Variants in TPCN2 observed in about 807,000 individuals in gnomAD.
TPCN2 encodes the protein two pore segment channel 2, also known as two pore channel protein 2.
TPCN2 carries 92 observed loss-of-function variants against 111.4 expected under a neutral mutation model. The ratio of observed to expected loss-of-function variants is 0.83; its 90% CI spans 0.70 to 0.98. The LOEUF (loss-of-function observed/expected upper bound fraction) is 0.98. Ranked by LOEUF, TPCN2 falls within the 50% of genes least tolerant of loss-of-function variation. The pLI is 0.00. For synonymous variants in TPCN2, 405 were observed against 414.5 expected (o/e 0.98, Z 0.28); for missense variants, 995 against 980.1 (o/e 1.02, Z -0.20).
chr11:69,070,675 C>T (rs1286084048), intron 9 of TPCN2, among the ~76,000 whole-genome samples, 180 bp downstream of exon 9: 19 of 151,398 alleles, frequency 1.3e-4, no homozygotes, highest in Non-Finnish European at 2.1e-4. Flanking sequence ...CAGCTTCACC[C>T]GAGGGATCCC....
chr11:69,084,960 G>A (rs371261676), intron 19 of TPCN2: 209 of 353,144 alleles, frequency 5.9e-4, no homozygotes, highest in Middle Eastern at 1.4e-3. Flanking sequence ...GGTACCTGGG[G>A]GCAGGGCCCT....
rs567420892 is a variant in TPCN2 at position 69,079,939 on chromosome 11, G to C, written c.1589+56G>C. On this transcript the variant is annotated intron_variant, in intron 17 of 24. Transcript: ENST00000294309. The stretch of plus-strand genomic sequence containing the variant: ...ACAGCAAACAGCACCACCACCCAGC[G>C]CCCCTGGGAGGGTCTCAGTGGTGTC... 263 of 1,560,524 alleles carry C rather than the reference G, an allele frequency of 1.7e-4. 2 individuals carry two copies. In the South Asian group the frequency reaches 2.8e-3, roughly 17 times the overall value.
At position 69,076,753 on chromosome 11, in the gene TPCN2, G is replaced by A. The variant is rs368283563; in HGVS notation, c.1231-1729G>A. 7.1e-3 allele frequency among the ~76,000 whole-genome samples: 34 copies of A among 4,786 alleles called. 10 individuals are homozygous for A. The highest frequency in any genetic ancestry group is 0.033 in the Non-Finnish European group (22 of 664). 3.1% of individuals were successfully genotyped at this position (4,786 alleles called of 152,430 possible). A position where few individuals can be genotyped will look rare whatever the true frequency, so the allele number is the denominator to read the frequency against. ...GTGTCCCTCCACCTGCCCTCCTGCT[G>A]TGTCCCTCCACCTGCCCTCCTGCCG... On this transcript the variant is annotated intron_variant, in intron 13 of 24. Transcript: ENST00000294309.
rs963276009 is a variant in TPCN2, at chr11:69,063,091, T to C, written c.653+101T>C. 5.2e-5 allele frequency: 53 copies of C among 1,024,512 alleles called. 2 individuals carry two copies. In the Middle Eastern group the frequency reaches 6.9e-4, roughly 13 times the overall value. 63.5% of individuals were successfully genotyped at this position (1,024,512 alleles called of 1,614,324 possible). On this transcript the variant is annotated intron_variant, in intron 6 of 24. Coordinates refer to ENST00000294309, the MANE Select transcript of TPCN2 (RefSeq NM_139075.4). Reference sequence around the variant, plus strand: ...GGCCCACCGGAGTCTCATCTTGGACTGCGTGCTCCGCATCCCTGGCTGGCT... The same window carrying C: ...GGCCCACCGGAGTCTCATCTTGGACCGCGTGCTCCGCATCCCTGGCTGGCT...
chr11:69,090,405 C>G lies in TPCN2; in HGVS notation c.*2452C>G, dbSNP rs1178713195. ...CTCCCCACAGAGATGCCCTGCTCATCCGACTGGGGCTTTGACTCCCACACT... is the reference window on the plus strand; with the variant it reads ...CTCCCCACAGAGATGCCCTGCTCATGCGACTGGGGCTTTGACTCCCACACT... On this transcript the variant is annotated 3_prime_UTR_variant, in exon 25 of 25. Coordinates refer to ENST00000294309, the MANE Select transcript of TPCN2 (RefSeq NM_139075.4). 3.3e-5 allele frequency: 5 copies of G among 152,194 alleles called. No homozygotes were observed. Among genetic ancestry groups the G allele is most frequent in the African/African-American group, 1.2e-4 (5 of 41,414 alleles). The allele number at this position is 152,194 out of a possible 1,614,324, so 9.4% of individuals were successfully genotyped here.
At chr11:69,083,000 A>G (rs1425550409) in intron 18 of TPCN2, among the ~76,000 whole-genome samples, 2 of 145,018 alleles carry the variant, frequency 1.4e-5, no homozygotes, top group East Asian at 2.2e-4. Flanking sequence ...TGTAAGACGC[A>G]TGATCGTGTG....
At chr11:69,082,678 C>T (rs1368907270) in intron 18 of TPCN2, among the ~76,000 whole-genome samples, 30 of 134,826 alleles carry the variant, frequency 2.2e-4, no homozygotes, top group Non-Finnish European at 3.8e-4. Flanking sequence ...AACTCGTGCC[C>T]GTGTAAGACG....
Position 69,083,957 on chromosome 11 carries a change from G to C in TPCN2, c.1702G>C (p.Val568Leu). 1 of 1,614,162 alleles carries C rather than the reference G, an allele frequency of 6.2e-7. No homozygotes were observed. The highest frequency in any genetic ancestry group is 2.2e-5 in the East Asian group (1 of 44,872). Reference protein sequence around the residue: ...IIPSMKLMAVVASTVLGLVQN... With the variant: ...IIPSMKLMAVLASTVLGLVQN... ...TTCCTGTCCTCAGCTGATGGCCGTGGTGGCCAGTACCGTCCTGGGCCTGGT... is the reference window on the plus strand; with the variant it reads ...TTCCTGTCCTCAGCTGATGGCCGTGCTGGCCAGTACCGTCCTGGGCCTGGT... The change falls in exon 19 of 25, where the codon GTG becomes CTG. Residue 568 changes from valine to leucine, a missense_variant. Coordinates refer to ENST00000294309, the MANE Select transcript of TPCN2 (RefSeq NM_139075.4).
intron 1 of TPCN2, among the ~76,000 whole-genome samples, chr11:69,051,511 A>G (rs1861224765): frequency 6.6e-6 from 1 of 152,220 alleles, no homozygotes; most frequent in Non-Finnish European, 1.5e-5. Flanking sequence ...TCAGGACCCT[A>G]CACAGGTTGT....
rs1275311304 is a variant in TPCN2, at chr11:69,085,072, G to C, written c.1762-138G>C. The C allele has an allele frequency of 1.5e-5, 13 of 883,698 alleles. No individual in the cohort carries two copies. The Admixed American group carries it at 2.5e-4, about 17-fold the overall frequency. The allele number at this position is 883,698 out of a possible 1,614,324, so 54.7% of individuals were successfully genotyped here. On this transcript the variant is annotated intron_variant, in intron 19 of 24. Transcript: ENST00000294309. ...CAGCTGCGTGTGTTTTGAAGTAGCA[G>C]CCAGGCTGGAATCCCAGCCCTGGGC...
chr11:69,072,733 C>T (rs1855589789), intron 12 of TPCN2, 25 bp downstream of exon 12: 8 of 1,612,480 alleles, frequency 5.0e-6, no homozygotes, highest in Admixed American at 1.7e-5. Flanking sequence ...CTCCCAGCCT[C>T]CTCTGGGCTC....
At position 69,085,245 on chromosome 11, in the gene TPCN2, C is replaced by CTTGTTTAGAGGCGTCA; in HGVS notation, c.1802_1817dup (p.Ala607Ter). On this transcript the variant is annotated frameshift_variant, in exon 20 of 25. Coordinates refer to ENST00000294309, the MANE Select transcript of TPCN2 (RefSeq NM_139075.4). LOFTEE classifies it high-confidence loss of function. ...ACGTATTTGCCATCATTGGGATCAA[C>CTTGTTTAGAGGCGTCA]TTGTTTAGAGGCGTCATTGTGGCTC... The CTTGTTTAGAGGCGTCA allele has an allele frequency of 3.2e-6, 5 of 1,586,088 alleles. No individual in the cohort carries two copies. Among genetic ancestry groups the CTTGTTTAGAGGCGTCA allele is most frequent in the Non-Finnish European group, 4.3e-6 (5 of 1,162,586 alleles).
At chr11:69,081,100 G>T (rs1855986469) in intron 17 of TPCN2, among the ~76,000 whole-genome samples, 1 of 152,096 alleles carries the variant, frequency 6.6e-6, no homozygotes, top group Admixed American at 6.5e-5. Context: ...GCCCTCCCGT[G>T]TGGACAGAGG....
chr11:69,078,961 C>T lies in TPCN2; in HGVS notation c.1480C>T (p.Arg494Ter), dbSNP rs984022242. 18 of 1,613,990 alleles carry T rather than the reference C, an allele frequency of 1.1e-5. No homozygotes were observed. Among genetic ancestry groups the T allele is most frequent in the Admixed American group, 1.7e-5 (1 of 60,004 alleles). Residue 494 changes from arginine (R) to a stop codon, truncating the protein, a stop_gained, in exon 16 of 25, where the codon CGA becomes TGA. Coordinates refer to ENST00000294309, the MANE Select transcript of TPCN2 (RefSeq NM_139075.4). LOFTEE classifies it high-confidence loss of function. ...GCTCAAGGTCTTTGCCCTGGGCCTG[C>T]GAGGGTACCTGTCCTACCCCAGCAA... ...MLLKVFALGL[R>*]GYLSYPSNVF...
intron 20 of TPCN2, 62 bp from the exon 21 acceptor site, chr11:69,085,608 TA>T: frequency 1.8e-6 from 2 of 1,089,400 alleles, no homozygotes; most frequent in African/African-American, 1.5e-5. Context: ...GAAAGGGGTG[TA>T]AGGTATCAGG....
At chr11:69,084,729 C>A (rs1180227265) in intron 19 of TPCN2, 3 of 985,306 alleles carry the variant, frequency 3.0e-6, no homozygotes, top group East Asian at 2.3e-4. Flanking sequence ...GTGCTCTGGG[C>A]TGGACCCCAG....
chr11:69,066,763 C>T (rs1478761838), intron 7 of TPCN2, among the ~76,000 whole-genome samples: 2 of 152,224 alleles, frequency 1.3e-5, no homozygotes, highest in Non-Finnish European at 2.9e-5. Flanking sequence ...TACAACCAGT[C>T]TGGTTTGCGG....
chr11:69,084,074 C>T (rs1856161999), intron 19 of TPCN2, 58 bp downstream of exon 19: 2 of 1,568,004 alleles, frequency 1.3e-6, no homozygotes, highest in African/African-American at 2.7e-5. Context: ...GGCTGGGAGG[C>T]TGGCGGAAGG....
rs1861089350 is a variant in TPCN2, at chr11:69,049,012, G to A, written c.15G>A (p.Gln5=). 9 of 1,239,948 alleles carry A rather than the reference G, an allele frequency of 7.3e-6. No homozygotes were observed. The highest frequency in any genetic ancestry group is 9.1e-6 in the Non-Finnish European group (9 of 988,134). The allele number at this position is 1,239,948 out of a possible 1,614,324, so 76.8% of individuals were successfully genotyped here. A position where few individuals can be genotyped will look rare whatever the true frequency, so the allele number is the denominator to read the frequency against. Residue 5 remains glutamine (Q), a synonymous_variant, in exon 1 of 25, where the codon CAG becomes CAA. Coordinates refer to ENST00000294309, the MANE Select transcript of TPCN2 (RefSeq NM_139075.4). Reference sequence around the variant, plus strand: ...TGGGCTGCTGGATGGCGGAACCCCAGGCGGAGTCGGAGCCCCTGCTGGGCG... The same window carrying A: ...TGGGCTGCTGGATGGCGGAACCCCAAGCGGAGTCGGAGCCCCTGCTGGGCG... MAEP[Q]AESEPLLGGA... is the part of the protein sequence containing the mutation.
Sources: allele counts gnomAD v4.1 joint callset (sites outside exome capture counted in the v4.1 genomes callset), GRCh38; gene constraint gnomAD v4.1.1; transcripts MANE v1.5; gene names NCBI Gene and HGNC (gene_info 2026-07-23, HGNC 2026-07-21).